PPP5C: variants seen among roughly 807,000 people sequenced by gnomAD.
PPP5C encodes serine/threonine-protein phosphatase 5.
In PPP5C, 21 loss-of-function variants were observed where a neutral mutation model predicts 66.7. That is an observed-to-expected ratio of 0.31 (90% CI 0.22 to 0.45). The LOEUF (loss-of-function observed/expected upper bound fraction) is 0.45. Ranked by LOEUF, PPP5C falls within the 20% of genes least tolerant of loss-of-function variation. PPP5C has a pLI of 1.00. For missense variants in PPP5C, 464 were observed against 675.9 expected, an observed-to-expected ratio of 0.69 and a Z score of 3.48; for synonymous variants, 246 against 257.4, an observed-to-expected ratio of 0.96 and a Z score of 0.43.
chr19:46,349,613 C>T (rs1338555773), intron 1 of PPP5C, among the ~76,000 whole-genome samples: 1 of 151,754 alleles, frequency 6.6e-6, no homozygotes, highest in African/African-American at 2.4e-5. Context: ...TGGGGGTGGT[C>T]GATGCCATGG....
intron 2 of PPP5C, among the ~76,000 whole-genome samples, chr19:46,360,436 G>A (rs138273976): frequency 2.6e-5 from 4 of 152,024 alleles, no homozygotes; most frequent in Non-Finnish European, 4.4e-5. Flanking sequence ...AAGTTAGTTC[G>A]AGGTCAAAAA....
At position 46,390,701 on chromosome 19, in the gene PPP5C, G is replaced by A. The variant is rs10426889; in HGVS notation, c.*355G>A. ...CTCAAGCAATAGGGCCCCGCCATAGGAAGACCCCCAGAGAGAGGGTCAGCA... is the reference window on the plus strand; with the variant it reads ...CTCAAGCAATAGGGCCCCGCCATAGAAAGACCCCCAGAGAGAGGGTCAGCA... On this transcript the variant is annotated 3_prime_UTR_variant, in exon 13 of 13. Coordinates refer to ENST00000012443, the MANE Select transcript of PPP5C (RefSeq NM_006247.4). 2,508 of 1,192,216 alleles carry A rather than the reference G, an allele frequency of 2.1e-3. 50 individuals carry two copies. In the African/African-American group the frequency reaches 0.036, roughly 17 times the overall value. The allele number at this position is 1,192,216 out of a possible 1,614,324, so 73.9% of individuals were successfully genotyped here.
intron 2 of PPP5C, among the ~76,000 whole-genome samples, chr19:46,366,790 G>A (rs182752714): frequency 5.0e-4 from 76 of 152,334 alleles, no homozygotes; most frequent in African/African-American, 1.7e-3. Flanking sequence ...GTCTGTGGTT[G>A]GTGGCAGTCT....
intron 2 of PPP5C, among the ~76,000 whole-genome samples, chr19:46,374,518 T>C (rs1972657082): frequency 6.6e-6 from 1 of 152,188 alleles, no homozygotes; most frequent in African/African-American, 2.4e-5. Context: ...AGCCAGGATC[T>C]GAATCCAGCC....
At chr19:46,363,176 C>A (rs1470304439) in intron 2 of PPP5C, among the ~76,000 whole-genome samples, 1 of 140,612 alleles carries the variant, frequency 7.1e-6, no homozygotes, top group Non-Finnish European at 1.5e-5. Context: ...GGCATGGTGG[C>A]GGGCGCCTGT....
Position 46,390,526 on chromosome 19 carries a change from C to T in PPP5C, c.*180C>T. 6.9e-7 allele frequency: 1 copy of T among 1,448,254 alleles called. No homozygotes were observed. Among genetic ancestry groups the T allele is most frequent in the South Asian group, 1.4e-5 (1 of 71,410 alleles). 89.7% of individuals were successfully genotyped at this position (1,448,254 alleles called of 1,614,324 possible). A position where few individuals can be genotyped will look rare whatever the true frequency, so the allele number is the denominator to read the frequency against. On this transcript the variant is annotated 3_prime_UTR_variant, in exon 13 of 13. Transcript: ENST00000012443. ...GGGTAGGGGCAGAGTCAGGGGCTGG[C>T]CAGAGGGTCTGCTCCCTGGACAGAG... is the stretch of plus-strand genomic sequence containing the variant.
rs913301387 is a variant in PPP5C, at chr19:46,376,208, G to A, written c.512-245G>A. On this transcript the variant is annotated intron_variant, in intron 3 of 12. Transcript: ENST00000012443. This position sits in a 1 kb window ranked among gnomAD's most constrained non-coding sequence, Gnocchi z 5.1. The stretch of plus-strand genomic sequence containing the variant: ...GGAGATAAGATGATGAATAAGTCAT[G>A]AAATGAATAGTGCTAAGTGCCATAA... Among the ~76,000 whole-genome samples the A allele has an allele frequency of 6.6e-6, 1 of 152,166 alleles. No individual in the cohort carries two copies. The highest frequency in any genetic ancestry group is 1.5e-5 in the Non-Finnish European group (1 of 68,030).
At chr19:46,384,764 C>CGGGGGG in intron 6 of PPP5C, 40 bp from the exon 7 acceptor site, 7 of 1,192,318 alleles carry the variant, frequency 5.9e-6, no homozygotes, top group Non-Finnish European at 8.8e-6. Flanking sequence ...GCACCGCACC[C>CGGGGGG]TTCCCCTCCA....
chr19:46,388,507 A>C lies in PPP5C; in HGVS notation c.1177-46A>C. 6.2e-7 allele frequency: 1 copy of C among 1,610,564 alleles called. No individual in the cohort carries two copies. The highest frequency in any genetic ancestry group is 8.5e-7 in the Non-Finnish European group (1 of 1,177,444). Reference sequence around the variant, plus strand: ...GTGGGCTGTGGCAGCAGGTGGAGGCAGACAGTCACCCTGAACCCCTGTCTC... The same window carrying C: ...GTGGGCTGTGGCAGCAGGTGGAGGCCGACAGTCACCCTGAACCCCTGTCTC... On this transcript the variant is annotated intron_variant, in intron 10 of 12. Transcript: ENST00000012443. The surrounding 1 kb of genome is among the most constrained non-coding windows in gnomAD (Gnocchi z 4.9).
At position 46,370,880 on chromosome 19, in the gene PPP5C, A is replaced by T. The variant is rs1176682936; in HGVS notation, c.364-4724A>T. On this transcript the variant is annotated intron_variant, in intron 2 of 12. Transcript: ENST00000012443. ...TTCAGCCTCTCTAGTACCTGGGACT[A>T]CAGGTGCCCGCCACTGCGTCCAGCT... 2.0e-5 allele frequency among the ~76,000 whole-genome samples: 3 copies of T among 152,086 alleles called. No individual in the cohort carries two copies. The East Asian group carries it at 5.8e-4, about 29-fold the overall frequency.
At chr19:46,349,681 GC>G (rs1432098007) in intron 1 of PPP5C, among the ~76,000 whole-genome samples, 5 of 152,088 alleles carry the variant, frequency 3.3e-5, no homozygotes, top group Admixed American at 2.0e-4. Context: ...ATCCCTGGCT[GC>G]CATGCAGAGA....
At chr19:46,358,424 G>C (rs1392622970) in intron 2 of PPP5C, among the ~76,000 whole-genome samples, 1 of 152,150 alleles carries the variant, frequency 6.6e-6, no homozygotes, top group Non-Finnish European at 1.5e-5. Context: ...CAGGCATTAG[G>C]TATAATTGAG....
chr19:46,374,399 G>A (rs1032884036), intron 2 of PPP5C, among the ~76,000 whole-genome samples: 2 of 152,070 alleles, frequency 1.3e-5, no homozygotes, highest in African/African-American at 4.8e-5. Context: ...CAGGAGATAC[G>A]GGGGTCTGCT....
chr19:46,373,103 C>G (rs1972623582), intron 2 of PPP5C, among the ~76,000 whole-genome samples: 1 of 152,240 alleles, frequency 6.6e-6, no homozygotes. Context: ...GGCCGCCTGT[C>G]CTGGCAGGCC....
In PPP5C at chr19:46,383,434, C is replaced by T. The variant is rs1277774880; in HGVS notation, c.657C>T (p.Val219=). The part of the protein sequence containing the change: ...AYQILVQVKE[V]LSKLSTLVET... ...AGATTCTGGTACAGGTCAAAGAGGT[C>T]CTCTCCAAGCTGAGCACGCTCGTGG... Residue 219 remains valine, a synonymous_variant, in exon 5 of 13, where the codon GTC becomes GTT. Transcript: ENST00000012443. The surrounding 1 kb of genome is among the most constrained non-coding windows in gnomAD (Gnocchi z 5.0). The T allele has an allele frequency of 6.2e-7, 1 of 1,612,140 alleles. No homozygotes were observed. The highest frequency in any genetic ancestry group is 1.7e-5 in the Admixed American group (1 of 59,884).
intron 2 of PPP5C, among the ~76,000 whole-genome samples, chr19:46,370,801 C>G (rs550031273): frequency 8.6e-5 from 13 of 151,912 alleles, no homozygotes; most frequent in African/African-American, 3.1e-4. Flanking sequence ...AGTGCAGTGG[C>G]GGGATCTCGG....
At position 46,375,609 on chromosome 19, in the gene PPP5C, C is replaced by G; in HGVS notation, c.369C>G (p.Val123=). The G allele has an allele frequency of 1.2e-6, 2 of 1,613,980 alleles. No homozygotes were observed. The highest frequency in any genetic ancestry group is 1.7e-6 in the Non-Finnish European group (2 of 1,179,948). ...RAALRDYETV[V]KVKPHDKDAK... ...GCCCCTTCCCTCCCACCCAGGTGGT[C>G]AAGGTGAAGCCCCATGACAAGGATG... Residue 123 remains valine, a synonymous_variant, in exon 3 of 13, where the codon GTC becomes GTG. Coordinates refer to ENST00000012443, the MANE Select transcript of PPP5C (RefSeq NM_006247.4).
chr19:46,366,263 G>T (rs1435064790), intron 2 of PPP5C, among the ~76,000 whole-genome samples: 2 of 152,106 alleles, frequency 1.3e-5, no homozygotes, highest in African/African-American at 4.8e-5. Context: ...AGTTTATTTG[G>T]GCCAGGGTTG....
At chr19:46,372,368 C>T (rs2238694) in intron 2 of PPP5C, among the ~76,000 whole-genome samples, 83,849 of 151,042 alleles carry the variant, frequency 0.56, 23,427 homozygotes, top group South Asian at 0.74. Flanking sequence ...ACCTGGCTAG[C>T]TTTTTGTTGT....
Sources: gnomAD v4.1 joint callset for allele counts (sites outside exome capture counted in the v4.1 genomes callset) on GRCh38, gnomAD v4.1.1 for gene constraint, Gnocchi (gnomAD v3.1) non-coding constraint, MANE v1.5 for transcripts, NCBI Gene and HGNC (gene_info 2026-07-23, HGNC 2026-07-21) for gene names.